PDE3B: variants seen among roughly 807,000 people sequenced by gnomAD.
PDE3B encodes phosphodiesterase 3B.
In PDE3B, 66 loss-of-function variants were observed where a neutral mutation model predicts 116.8. The observed-to-expected ratio is 0.56, with a 90% CI of 0.46 to 0.69. The LOEUF is 0.69. Among genes scored for constraint, PDE3B ranks in the 30% least tolerant of loss-of-function variants. PDE3B has a pLI of 0.00. For missense variants in PDE3B, 1,384 were observed against 1,368.1 expected, an observed-to-expected ratio of 1.01 and a Z score of -0.18; for synonymous variants, 595 against 533.6, an observed-to-expected ratio of 1.12 and a Z score of -1.59.
chr11:14,716,940 GAGA>G (rs1855920422), intron 1 of PDE3B, among the ~76,000 whole-genome samples: 1 of 5,070 alleles, frequency 2.0e-4, no homozygotes, highest in South Asian at 3.1e-3. Context: ...GACGAGCTGA[GAGA>G]AGAAGGTTTC....
intron 1 of PDE3B, among the ~76,000 whole-genome samples, chr11:14,676,705 G>A (rs1854541742): frequency 6.6e-6 from 1 of 152,154 alleles, no homozygotes; most frequent in East Asian, 1.9e-4. Context: ...AGTTCATTAT[G>A]TGGCATGTCA....
chr11:14,728,207 G>A (rs1242535054), intron 1 of PDE3B, among the ~76,000 whole-genome samples: 1 of 151,970 alleles, frequency 6.6e-6, no homozygotes, highest in African/African-American at 2.4e-5. Context: ...CATTTCAGGT[G>A]GTTGGCTAAA....
At chr11:14,773,829 C>G (rs138798841) in intron 2 of PDE3B, 1 of 152,296 alleles carries the variant, frequency 6.6e-6, no homozygotes, top group African/African-American at 2.4e-5. Flanking sequence ...GTTTATCTCT[C>G]TCTTAGCCAC....
At chr11:14,759,470 G>A (rs1220573944) in intron 1 of PDE3B, among the ~76,000 whole-genome samples, 1 of 151,344 alleles carries the variant, frequency 6.6e-6, no homozygotes, top group Admixed American at 6.6e-5. Context: ...TCTAATTGTA[G>A]TTCAGTAGTA....
At chr11:14,798,311 T>C (rs191440394) in intron 4 of PDE3B, among the ~76,000 whole-genome samples, 26 of 152,334 alleles carry the variant, frequency 1.7e-4, no homozygotes, top group Non-Finnish European at 2.9e-4. Flanking sequence ...AGCTTTTTGA[T>C]GTGCTGCTGG....
intron 1 of PDE3B, among the ~76,000 whole-genome samples, chr11:14,743,202 G>A (rs1298662478): frequency 2.6e-5 from 4 of 152,122 alleles, no homozygotes; most frequent in African/African-American, 9.7e-5. Context: ...GGAGATGGGA[G>A]TTGTATCTCT....
rs553365408 is a variant in PDE3B, at chr11:14,644,315, C to T, written c.240C>T (p.Leu80=). ...RRCSPFCRAR[L]SLGALAAFVL... is the part of the protein sequence containing the mutation. ...GCTCCCCCTTCTGCCGGGCGCGCCT[C>T]TCGCTGGGCGCCCTGGCTGCCTTTG... Residue 80 remains leucine, a synonymous_variant, in exon 1 of 16, where the codon CTC becomes CTT. Coordinates refer to ENST00000282096, the MANE Select transcript of PDE3B (RefSeq NM_000922.4). 12 of 1,567,976 alleles carry T rather than the reference C, an allele frequency of 7.7e-6. No homozygotes were observed. The African/African-American group carries it at 1.7e-4, about 22-fold the overall frequency.
intron 1 of PDE3B, among the ~76,000 whole-genome samples, chr11:14,652,085 A>C (rs1375267147): frequency 6.6e-6 from 1 of 152,162 alleles, no homozygotes; most frequent in Admixed American, 6.5e-5. Flanking sequence ...GAGTTTTATA[A>C]AAGTTTTAGT....
At chr11:14,712,599 C>T (rs1389326401) in intron 1 of PDE3B, among the ~76,000 whole-genome samples, 3 of 151,528 alleles carry the variant, frequency 2.0e-5, no homozygotes, top group Admixed American at 6.6e-5. Flanking sequence ...CTCAGCCTCC[C>T]GAGTAGCTCG....
At chr11:14,825,587 A>G (rs1326957146) in intron 7 of PDE3B, among the ~76,000 whole-genome samples, 1 of 152,196 alleles carries the variant, frequency 6.6e-6, no homozygotes, top group African/African-American at 2.4e-5. Context: ...ATAAGACCTA[A>G]CTATTCTAAA....
intron 1 of PDE3B, among the ~76,000 whole-genome samples, chr11:14,702,195 A>G (rs1252742831): frequency 6.6e-6 from 1 of 151,636 alleles, no homozygotes; most frequent in African/African-American, 2.4e-5. Context: ...TTGTATTATC[A>G]TAGTTTTAAT....
chr11:14,841,455 G>A (rs1277028667), intron 11 of PDE3B, among the ~76,000 whole-genome samples: 1 of 149,262 alleles, frequency 6.7e-6, no homozygotes, highest in Non-Finnish European at 1.5e-5. Context: ...TGCAAAGAAG[G>A]CTCTTGATGA....
downstream of PDE3B, among the ~76,000 whole-genome samples, chr11:14,873,787 T>C (rs1173947412): frequency 1.3e-5 from 2 of 152,234 alleles, no homozygotes; most frequent in African/African-American, 2.4e-5. Flanking sequence ...TGTCATAGTA[T>C]TGGCTTCTGG....
At chr11:14,769,348 C>T (rs550434040) in intron 1 of PDE3B, among the ~76,000 whole-genome samples, 1 of 150,948 alleles carries the variant, frequency 6.6e-6, no homozygotes, top group East Asian at 1.9e-4. Context: ...AGAGAGCAAG[C>T]AGAGAAAAAA....
intron 1 of PDE3B, among the ~76,000 whole-genome samples, chr11:14,729,115 G>T (rs1172978636): frequency 6.6e-6 from 1 of 152,138 alleles, no homozygotes; most frequent in Admixed American, 6.5e-5. Flanking sequence ...AATTGGGCAA[G>T]ATCAAATGTT....
chr11:14,859,444 T>C (rs190880049), intron 13 of PDE3B, among the ~76,000 whole-genome samples, 198 bp downstream of exon 13: 1 of 152,218 alleles, frequency 6.6e-6, no homozygotes, highest in Non-Finnish European at 1.5e-5. Context: ...AAAATATTAT[T>C]GCTTGTTATA....
At chr11:14,686,739 A>T (rs1202177545) in intron 1 of PDE3B, among the ~76,000 whole-genome samples, 4 of 152,138 alleles carry the variant, frequency 2.6e-5, no homozygotes, top group African/African-American at 9.7e-5. Flanking sequence ...TTAAAGACAG[A>T]GTCTCGCTGT....
Position 14,867,525 on chromosome 11 carries a change from T to A in PDE3B, c.2906T>A (p.Leu969His). The change falls in exon 15 of 16, where the codon CTT (leucine) becomes CAT (histidine). Residue 969 changes from leucine to histidine, a missense_variant. This residue lies in a region of PDE3B where 428 missense variants were observed against 561.4 expected (regional missense o/e 0.76). Coordinates refer to ENST00000282096, the MANE Select transcript of PDE3B (RefSeq NM_000922.4). ...ATGCAGGGAGATGAAGAAGCAAATC[T>A]TGGTCTGCCCATCAGTCCATTCATG... ...FYEQGDEEAN[L>H]GLPISPFMDR... The A allele has an allele frequency of 6.2e-7, 1 of 1,613,684 alleles. No individual in the cohort carries two copies. The highest frequency in any genetic ancestry group is 8.5e-7 in the Non-Finnish European group (1 of 1,179,768).
At chr11:14,714,728 T>C (rs2133832739) in intron 1 of PDE3B, among the ~76,000 whole-genome samples, 1 of 152,240 alleles carries the variant, frequency 6.6e-6, no homozygotes, top group Admixed American at 6.5e-5. Flanking sequence ...ACATAGCTAT[T>C]GAGTCCTTGA....
Sources: gnomAD v4.1 joint callset for allele counts (sites outside exome capture counted in the v4.1 genomes callset) on GRCh38, gnomAD v4.1.1 for gene constraint, gnomAD v4.1.1 regional missense constraint, MANE v1.5 for transcripts, NCBI Gene and HGNC (gene_info 2026-07-23, HGNC 2026-07-21) for gene names.